The following FNIP2 variants were observed in gnomAD, a reference collection of about 807,000 sequenced individuals.
FNIP2 encodes folliculin interacting protein 2, also known as folliculin-interacting protein 2.
FNIP2 carries 32 observed loss-of-function variants against 108.7 expected under a neutral mutation model. The observed-to-expected ratio is 0.29, with a 90% CI of 0.22 to 0.40. The LOEUF (loss-of-function observed/expected upper bound fraction) is 0.40, where lower values mean the gene tolerates loss of function less well. Among genes scored for constraint, FNIP2 ranks in the 10% least tolerant of loss-of-function variants. The pLI is 1.00. For missense variants in FNIP2, 1,202 were observed against 1,381.6 expected, an observed-to-expected ratio of 0.87 and a Z score of 2.06; for synonymous variants, 480 against 496.7, an observed-to-expected ratio of 0.97 and a Z score of 0.45.
chr4:158,815,223 G>A (rs1026738084), intron 1 of FNIP2, among the ~76,000 whole-genome samples: 1 of 152,148 alleles, frequency 6.6e-6, no homozygotes, highest in Non-Finnish European at 1.5e-5. Context: ...AAGAGGCAGA[G>A]GTAGGACCTG....
Position 158,907,285 on chromosome 4 carries a change from T to C in FNIP2, c.*2741T>C, listed in dbSNP as rs774136449. 3.9e-5 allele frequency: 6 copies of C among 152,360 alleles called. No homozygotes were observed. The South Asian group carries it at 6.2e-4, about 16-fold the overall frequency. 9.4% of individuals were successfully genotyped at this position (152,360 alleles called of 1,614,324 possible). ...TTATTTTTTATCAATCAGTGTTAAA[T>C]AGCTTTTTGTACAGGCTTCAATCCA... On this transcript the variant is annotated 3_prime_UTR_variant, in exon 17 of 17. Coordinates refer to ENST00000264433, the MANE Select transcript of FNIP2 (RefSeq NM_020840.3).
intron 1 of FNIP2, chr4:158,795,936 G>A (rs1776576429): frequency 6.6e-6 from 1 of 152,252 alleles, no homozygotes; most frequent in Non-Finnish European, 1.5e-5. Context: ...CTTCCACGAA[G>A]CCAGTCCCTG....
intron 14 of FNIP2, chr4:158,872,885 C>A: frequency 1.8e-6 from 1 of 551,198 alleles, no homozygotes; most frequent in Non-Finnish European, 2.3e-6. Flanking sequence ...GAATATGTTG[C>A]CAGAAAAAGA....
intron 14 of FNIP2, among the ~76,000 whole-genome samples, chr4:158,876,376 C>T (rs1039687278): frequency 6.6e-6 from 1 of 152,158 alleles, no homozygotes; most frequent in Non-Finnish European, 1.5e-5. Flanking sequence ...CTGGAATTGC[C>T]CCTTTTATGT....
chr4:158,859,280 G>A (rs1338297615), intron 9 of FNIP2, 22 bp downstream of exon 9: 1 of 1,576,218 alleles, frequency 6.3e-7, no homozygotes, highest in Non-Finnish European at 8.6e-7. Flanking sequence ...GTAATCCAAA[G>A]TCAAATAGAG....
In FNIP2 at chr4:158,769,263, C is replaced by T. The variant is rs1483035062; in HGVS notation, c.51C>T (p.Gly17=). The change falls in exon 1 of 17, where the codon GGC becomes GGT. Residue 17 remains glycine, a synonymous_variant. Transcript: ENST00000264433. ...TCTTCAACAAAAGGGGCAGCAGCGG[C>T]AGCTCCGCGGCGGCGTCTGCCCAGG... is the stretch of plus-strand genomic sequence containing the variant. ...QKLFNKRGSS[G]SSAAASAQGR... 1.9e-6 allele frequency: 3 copies of T among 1,542,822 alleles called. No homozygotes were observed. The highest frequency in any genetic ancestry group is 2.6e-6 in the Non-Finnish European group (3 of 1,148,996).
chr4:158,864,940 T>A (rs1444968802), intron 12 of FNIP2, among the ~76,000 whole-genome samples: 1 of 152,052 alleles, frequency 6.6e-6, no homozygotes, highest in Non-Finnish European at 1.5e-5. Flanking sequence ...CTTCTGTCTG[T>A]TCCTCTGCTC....
At chr4:158,858,812 C>A (rs1415652868) in intron 8 of FNIP2, among the ~76,000 whole-genome samples, 3 of 152,176 alleles carry the variant, frequency 2.0e-5, no homozygotes, top group African/African-American at 7.2e-5. Context: ...ACAAGAGTAA[C>A]AACGGGAAAT....
intron 5 of FNIP2, among the ~76,000 whole-genome samples, chr4:158,832,964 C>T (rs1778565839): frequency 6.6e-6 from 1 of 151,736 alleles, no homozygotes. Flanking sequence ...TTAATAAATA[C>T]AATAAATTAT....
At position 158,902,823 on chromosome 4, in the gene FNIP2, G is replaced by GA. The variant is rs578252751; in HGVS notation, c.3267-1642dup. Among the ~76,000 whole-genome samples, 272 of 152,306 alleles carry GA rather than the reference G, an allele frequency of 1.8e-3. 1 individual carries two copies. The highest frequency in any genetic ancestry group is 3.1e-3 in the Non-Finnish European group (213 of 68,026). ...GCTTACTCAAGTCTCAGCAATGGTGGATGCCCCTCCCCCAACCAACCTCAA... is the reference window on the plus strand; with the variant it reads ...GCTTACTCAAGTCTCAGCAATGGTGGAATGCCCCTCCCCCAACCAACCTCAA... On this transcript the variant is annotated intron_variant, in intron 16 of 16. Coordinates refer to ENST00000264433, the MANE Select transcript of FNIP2 (RefSeq NM_020840.3).
At chr4:158,775,195 T>C (rs1775819740) in intron 1 of FNIP2, among the ~76,000 whole-genome samples, 1 of 152,224 alleles carries the variant, frequency 6.6e-6, no homozygotes, top group African/African-American at 2.4e-5. Context: ...TAATGTGCTT[T>C]ATTTCTCCAG....
chr4:158,802,480 C>T (rs1269248445), intron 1 of FNIP2, among the ~76,000 whole-genome samples: 5 of 151,896 alleles, frequency 3.3e-5, no homozygotes, highest in Non-Finnish European at 7.4e-5. Context: ...TTTTAGGGAG[C>T]TGTATTAAGT....
At position 158,859,718 on chromosome 4, in the gene FNIP2, T is replaced by C. The variant is rs990444099; in HGVS notation, c.1148+52T>C. ...AACAGGAGATGTTTATGAGCAGCCA[T>C]GGATAAAGATAAACTGTGACTTGGA... On this transcript the variant is annotated intron_variant, in intron 10 of 16. Transcript: ENST00000264433. 1.5e-5 allele frequency: 22 copies of C among 1,426,478 alleles called. No individual in the cohort carries two copies. The Admixed American group carries it at 3.7e-4, about 24-fold the overall frequency. The allele number at this position is 1,426,478 out of a possible 1,614,324, so 88.4% of individuals were successfully genotyped here.
intron 1 of FNIP2, among the ~76,000 whole-genome samples, chr4:158,779,981 G>A (rs1330500479): frequency 1.3e-5 from 2 of 152,000 alleles, no homozygotes; most frequent in Non-Finnish European, 2.9e-5. Context: ...GACTGAGGTG[G>A]AAGGATCTCT....
chr4:158,834,255 A>G (rs922222248), intron 6 of FNIP2: 2 of 137,932 alleles, frequency 1.4e-5, no homozygotes, highest in African/African-American at 2.7e-5. Flanking sequence ...ACGGAGTTTC[A>G]TTAAAAGTCA....
rs144745852 is a variant in FNIP2, at chr4:158,889,638, A to G, written c.2950-1808A>G. ...GAATTCACTGTGAAAGGTGACAGGC[A>G]TACGTTCAACTCATTGTCTCTATGT... On this transcript the variant is annotated intron_variant, in intron 14 of 16. Transcript: ENST00000264433. Among the ~76,000 whole-genome samples, 108 of 152,344 alleles carry G rather than the reference A, an allele frequency of 7.1e-4. 2 individuals are homozygous for G. The highest frequency in any genetic ancestry group is 1.2e-3 in the Non-Finnish European group (82 of 68,040).
chr4:158,829,856 T>C (rs189722711), intron 3 of FNIP2, among the ~76,000 whole-genome samples: 7 of 152,340 alleles, frequency 4.6e-5, no homozygotes, highest in Admixed American at 1.3e-4. Flanking sequence ...ATTGAACTTT[T>C]TCTTAAACCC....
intron 14 of FNIP2, chr4:158,889,971 G>C: frequency 2.0e-6 from 2 of 985,370 alleles, no homozygotes; most frequent in Non-Finnish European, 2.4e-6. Flanking sequence ...ATATATGCAT[G>C]TGTAAGAAGC....
intron 1 of FNIP2, chr4:158,808,728 A>G (rs1251383756): frequency 2.0e-5 from 3 of 152,018 alleles, no homozygotes; most frequent in African/African-American, 4.8e-5. Context: ...AGGACTTCCA[A>G]TCTCTTTTTG....
Sources: allele counts gnomAD v4.1 joint callset (sites outside exome capture counted in the v4.1 genomes callset), GRCh38; gene constraint gnomAD v4.1.1; transcripts MANE v1.5; gene names NCBI Gene and HGNC (gene_info 2026-07-23, HGNC 2026-07-21).